Variants in KIT observed in about 807,000 individuals in gnomAD.
KIT encodes the protein KIT proto-oncogene, receptor tyrosine kinase.
KIT carries 16 observed loss-of-function variants against 105.7 expected under a neutral mutation model. The ratio of observed to expected loss-of-function variants is 0.15; its 90% CI spans 0.10 to 0.23. The LOEUF (loss-of-function observed/expected upper bound fraction) is 0.23, where lower values mean the gene tolerates loss of function less well. Ranked by LOEUF, KIT falls within the 10% of genes least tolerant of loss-of-function variation. The pLI is 1.00. For synonymous variants in KIT, 438 were observed against 441.1 expected (o/e 0.99, Z 0.09); for missense variants, 858 against 1,213.8 (o/e 0.71, Z 4.36).
Position 54,698,390 on chromosome 4 carries a change from C to T in KIT, c.444C>T (p.Leu148=), listed in dbSNP as rs544555667. 3.7e-6 allele frequency: 6 copies of T among 1,614,174 alleles called. No homozygotes were observed. In the East Asian group the frequency reaches 6.7e-5, roughly 18 times the overall value. ...ACCCAGAAGTGACCAATTATTCCCTCAAGGGGTGCCAGGGGAAGCCTCTTC... is the reference window on the plus strand; with the variant it reads ...ACCCAGAAGTGACCAATTATTCCCTTAAGGGGTGCCAGGGGAAGCCTCTTC... ...LTDPEVTNYS[L]KGCQGKPLPK... is the part of the protein sequence containing the mutation. The change falls in exon 3 of 21, where the codon CTC becomes CTT. Residue 148 remains leucine (L), a synonymous_variant. Coordinates refer to ENST00000288135, the MANE Select transcript of KIT (RefSeq NM_000222.3).
intron 7 of KIT, among the ~76,000 whole-genome samples, chr4:54,711,986 A>G (rs1190907038): frequency 3.9e-5 from 6 of 152,072 alleles, no homozygotes; most frequent in Admixed American, 6.5e-5. Context: ...CCCATGGACA[A>G]AATTACCTGC....
chr4:54,718,767 GTTTTA>G (rs1213679519), intron 7 of KIT, among the ~76,000 whole-genome samples: 4 of 152,080 alleles, frequency 2.6e-5, no homozygotes, highest in Admixed American at 2.0e-4. Flanking sequence ...TATAGTTGAA[GTTTTA>G]TTTTGTTTGT....
At chr4:54,661,689 A>G (rs965223197) in intron 1 of KIT, among the ~76,000 whole-genome samples, 1 of 152,268 alleles carries the variant, frequency 6.6e-6, no homozygotes, top group Non-Finnish European at 1.5e-5. Context: ...TGCAAATTTC[A>G]TGTGCAGTTT....
intron 17 of KIT, among the ~76,000 whole-genome samples, chr4:54,733,850 C>G (rs1251086855): frequency 6.6e-6 from 1 of 152,116 alleles, no homozygotes; most frequent in Non-Finnish European, 1.5e-5. Flanking sequence ...AAACTAGAGC[C>G]TGTGATTTCC....
At chr4:54,665,206 A>G (rs143457104) in intron 1 of KIT, among the ~76,000 whole-genome samples, 1 of 152,182 alleles carries the variant, frequency 6.6e-6, no homozygotes, top group Non-Finnish European at 1.5e-5. Context: ...CTATTGTAGT[A>G]TAAGTCAGAA....
At position 54,681,555 on chromosome 4, in the gene KIT, C is replaced by T. The variant is rs1718919205; in HGVS notation, c.68-13957C>T. Among the ~76,000 whole-genome samples, 3 of 152,010 alleles carry T rather than the reference C, an allele frequency of 2.0e-5. No homozygotes were observed. The South Asian group carries it at 6.2e-4, about 32-fold the overall frequency. ...TGAGAAGAGAATATATTAAGTAGTCCTATGAAGGTCTTTGCTGCTGGTAAG... is the reference window on the plus strand; with the variant it reads ...TGAGAAGAGAATATATTAAGTAGTCTTATGAAGGTCTTTGCTGCTGGTAAG... On this transcript the variant is annotated intron_variant, in intron 1 of 20. Transcript: ENST00000288135.
chr4:54,687,394 C>T (rs1300004293), intron 1 of KIT, among the ~76,000 whole-genome samples: 15 of 151,962 alleles, frequency 9.9e-5, no homozygotes, highest in African/African-American at 3.1e-4. Context: ...GCCGAGATCG[C>T]GCCACTGCCC....
At position 54,737,610 on chromosome 4, in the gene KIT, A is replaced by C. The variant is rs564420796; in HGVS notation, c.2802+330A>C. On this transcript the variant is annotated intron_variant, in intron 20 of 20. Coordinates refer to ENST00000288135, the MANE Select transcript of KIT (RefSeq NM_000222.3). ...GGGGTCAGTATTTTCTCCCTCTCAC[A>C]TGTCAGGGCCATGCATCCTTTGGAG... 7.5e-4 allele frequency among the ~76,000 whole-genome samples: 114 copies of C among 152,246 alleles called. 1 individual carries two copies. The highest frequency in any genetic ancestry group is 2.7e-3 in the African/African-American group (111 of 41,550).
intron 1 of KIT, among the ~76,000 whole-genome samples, chr4:54,658,964 G>A (rs1043406846): frequency 2.0e-5 from 3 of 152,156 alleles, no homozygotes; most frequent in Non-Finnish European, 4.4e-5. Context: ...CAGCGTGCTG[G>A]GACTCTGCGT....
intron 1 of KIT, among the ~76,000 whole-genome samples, chr4:54,682,068 C>CT (rs1165482734): frequency 6.7e-6 from 1 of 149,980 alleles, no homozygotes; most frequent in African/African-American, 2.5e-5. Context: ...TGAGTGCTTT[C>CT]TATGTACAAG....
chr4:54,707,484 G>GCA (rs1037018268), intron 6 of KIT, among the ~76,000 whole-genome samples, 197 bp downstream of exon 6: 2 of 152,082 alleles, frequency 1.3e-5, no homozygotes, highest in African/African-American at 2.4e-5. Flanking sequence ...GCACACGCAT[G>GCA]CACACACACA....
chr4:54,684,022 A>G (rs1719129278), intron 1 of KIT, among the ~76,000 whole-genome samples: 1 of 152,202 alleles, frequency 6.6e-6, no homozygotes, highest in African/African-American at 2.4e-5. Context: ...GATCGGCACA[A>G]ATGATACCTT....
rs372737002 is a variant in KIT, at chr4:54,709,420, G to A, written c.1116-4G>A. On this transcript the variant is annotated splice_region_variant and splice_polypyrimidine_tract_variant and intron_variant, in intron 6 of 20. Coordinates refer to ENST00000288135, the MANE Select transcript of KIT (RefSeq NM_000222.3). Reference sequence around the variant, plus strand: ...GTGATTGACTAGTTGTCTTTTCTTTGTAGATACGTAAGTGAACTTCATCTA... The same window carrying A: ...GTGATTGACTAGTTGTCTTTTCTTTATAGATACGTAAGTGAACTTCATCTA... 6.3e-7 allele frequency: 1 copy of A among 1,580,624 alleles called. No individual in the cohort carries two copies. The highest frequency in any genetic ancestry group is 2.2e-5 in the East Asian group (1 of 44,688).
chr4:54,733,506 G>A (rs1722731391), intron 17 of KIT: 1 of 313,420 alleles, frequency 3.2e-6, no homozygotes, highest in African/African-American at 2.2e-5. Flanking sequence ...ACAAATGTAG[G>A]TCATTGAAGG....
At chr4:54,733,938 G>A (rs1722763698) in intron 17 of KIT, among the ~76,000 whole-genome samples, 1 of 152,090 alleles carries the variant, frequency 6.6e-6, no homozygotes, top group Non-Finnish European at 1.5e-5. Context: ...GCCCATTTCT[G>A]CAGTCCAGAT....
At chr4:54,704,925 G>C (rs1720689775) in intron 5 of KIT, among the ~76,000 whole-genome samples, 2 of 152,002 alleles carry the variant, frequency 1.3e-5, no homozygotes, top group Non-Finnish European at 2.9e-5. Context: ...GTAAAATTTT[G>C]GCGTTTCTGC....
At chr4:54,702,342 A>G (rs746618721) in intron 4 of KIT, among the ~76,000 whole-genome samples, 1 of 152,132 alleles carries the variant, frequency 6.6e-6, no homozygotes, top group African/African-American at 2.4e-5. Flanking sequence ...ATATTATTTC[A>G]TAATGTAATT....
At chr4:54,662,205 T>A (rs1261340557) in intron 1 of KIT, among the ~76,000 whole-genome samples, 1 of 152,158 alleles carries the variant, frequency 6.6e-6, no homozygotes, top group Non-Finnish European at 1.5e-5. Flanking sequence ...AGTGCAGGAA[T>A]CCAAATATGC....
intron 1 of KIT, among the ~76,000 whole-genome samples, chr4:54,668,895 T>C (rs1020642971): frequency 2.0e-4 from 31 of 152,242 alleles, no homozygotes; most frequent in African/African-American, 7.5e-4. Context: ...ATCCCAACTT[T>C]CACAATGCAG....
Sources: gnomAD v4.1 joint callset for allele counts (sites outside exome capture counted in the v4.1 genomes callset) on GRCh38, gnomAD v4.1.1 for gene constraint, MANE v1.5 for transcripts, NCBI Gene and HGNC (gene_info 2026-07-23, HGNC 2026-07-21) for gene names.